Variants in TAB1 observed in about 807,000 individuals in gnomAD.
The protein encoded by TAB1 is TGF-beta-activated kinase 1 and MAP3K7-binding protein 1.
Under a neutral mutation model 54.5 loss-of-function variants are expected in TAB1, and 30 were observed. That is an observed-to-expected ratio of 0.55 (90% CI 0.41 to 0.75). The LOEUF is 0.75. Among genes scored for constraint, TAB1 ranks in the 30% least tolerant of loss-of-function variants. TAB1 has a pLI of 0.00. For missense variants in TAB1, 609 were observed against 683.2 expected (o/e 0.89, Z 1.21); for synonymous variants, 289 against 286.9 (o/e 1.01, Z -0.07).
intron 1 of TAB1, among the ~76,000 whole-genome samples, chr22:39,407,855 C>T (rs1926435224): frequency 6.6e-6 from 1 of 152,072 alleles, no homozygotes; most frequent in Non-Finnish European, 1.5e-5. Context: ...CTCTTGACCT[C>T]GTGATCTGCC....
chr22:39,431,680 C>T lies in TAB1; in HGVS notation c.*1458C>T. Reference sequence around the variant, plus strand: ...GAAAAACAGGTCTCAGCCCAGGGTCCTCGCTCACTCCCTCACTCCCCACTT... The same window carrying T: ...GAAAAACAGGTCTCAGCCCAGGGTCTTCGCTCACTCCCTCACTCCCCACTT... On this transcript the variant is annotated 3_prime_UTR_variant, in exon 11 of 11. Transcript: ENST00000216160. 1 of 985,470 alleles carries T rather than the reference C, an allele frequency of 1.0e-6. No homozygotes were observed. The highest frequency in any genetic ancestry group is 1.2e-6 in the Non-Finnish European group (1 of 829,966). 61.0% of individuals were successfully genotyped at this position (985,470 alleles called of 1,614,324 possible). A position where few individuals can be genotyped will look rare whatever the true frequency, so the allele number is the denominator to read the frequency against.
At chr22:39,405,606 G>C (rs1275134295) in intron 1 of TAB1, among the ~76,000 whole-genome samples, 1 of 152,146 alleles carries the variant, frequency 6.6e-6, no homozygotes, top group African/African-American at 2.4e-5. Flanking sequence ...GTATGCATCA[G>C]TGTGTGCAGG....
intron 1 of TAB1, among the ~76,000 whole-genome samples, chr22:39,410,245 T>G (rs1200299676): frequency 6.6e-6 from 1 of 152,174 alleles, no homozygotes; most frequent in Non-Finnish European, 1.5e-5. Flanking sequence ...GTAGTTGGAA[T>G]TACAGGTGCG....
chr22:39,407,609 G>A (rs1448689663), intron 1 of TAB1, among the ~76,000 whole-genome samples: 3 of 151,784 alleles, frequency 2.0e-5, no homozygotes, highest in Non-Finnish European at 4.4e-5. Flanking sequence ...TCAGCTTCCC[G>A]ATAGTAGATG....
Position 39,428,003 on chromosome 22 carries a change from ACT to A in TAB1, c.1145-13_1145-12del, listed in dbSNP as rs779750620. The A allele has an allele frequency of 1.6e-4, 252 of 1,562,664 alleles. 1 individual carries two copies. Among genetic ancestry groups the A allele is most frequent in the Middle Eastern group, 1.7e-4 (1 of 5,834 alleles). On this transcript the variant is annotated splice_polypyrimidine_tract_variant and intron_variant, in intron 9 of 10. Transcript: ENST00000216160. ...TCCTCAGCTGCTGCCTGAGGCCCCC[ACT>A]CTCTTCCTCCCAAAGCTGCAGGAGG... is the stretch of plus-strand genomic sequence containing the variant.
chr22:39,429,633 A>G (rs537181294), intron 10 of TAB1, among the ~76,000 whole-genome samples: 5 of 152,034 alleles, frequency 3.3e-5, no homozygotes, highest in Non-Finnish European at 7.4e-5. Context: ...ACACGCCACC[A>G]TGCCTGGGTA....
chr22:39,403,880 G>A (rs1180088208), intron 1 of TAB1, among the ~76,000 whole-genome samples: 2 of 151,948 alleles, frequency 1.3e-5, no homozygotes, highest in Non-Finnish European at 2.9e-5. Context: ...TCCTGACCTC[G>A]TGATCTGCCA....
Position 39,430,753 on chromosome 22 carries a change from C to G in TAB1, c.*531C>G. On this transcript the variant is annotated 3_prime_UTR_variant, in exon 11 of 11. Transcript: ENST00000216160. ...TCTGTCCCTGGGCCCCACCCCTGGA[C>G]CTGCCTTGGTTGTGTCATCTGTTGT... 9.9e-7 allele frequency: 1 copy of G among 1,011,966 alleles called. No homozygotes were observed. Among genetic ancestry groups the G allele is most frequent in the Non-Finnish European group, 1.2e-6 (1 of 843,794 alleles). The allele number at this position is 1,011,966 out of a possible 1,614,324, so 62.7% of individuals were successfully genotyped here.
intron 7 of TAB1, 164 bp from the exon 8 acceptor site, chr22:39,421,663 G>A (rs1296900355): frequency 2.7e-6 from 2 of 739,926 alleles, no homozygotes; most frequent in East Asian, 2.9e-5. Flanking sequence ...GCTGTAAGAC[G>A]ATGGGTCTAT....
intron 1 of TAB1, among the ~76,000 whole-genome samples, chr22:39,405,324 G>A (rs1926314326): frequency 1.3e-5 from 2 of 152,198 alleles, no homozygotes; most frequent in Non-Finnish European, 2.9e-5. Flanking sequence ...ATTAATTTTG[G>A]AAACTCCTTC....
Position 39,431,555 on chromosome 22 carries a change from A to C in TAB1, c.*1333A>C, listed in dbSNP as rs765587969. The C allele has an allele frequency of 8.3e-5, 82 of 985,340 alleles. No individual in the cohort carries two copies. Among genetic ancestry groups the C allele is most frequent in the Non-Finnish European group, 8.9e-5 (74 of 829,970 alleles). 61.0% of individuals were successfully genotyped at this position (985,340 alleles called of 1,614,324 possible). ...GGGGTGCTTGGTCTCTGCGAAGTCA[A>C]AGGCCTGACAGCTCTGTGGCCTGGG... is the stretch of plus-strand genomic sequence containing the variant. On this transcript the variant is annotated 3_prime_UTR_variant, in exon 11 of 11. Transcript: ENST00000216160.
downstream of TAB1, among the ~76,000 whole-genome samples, chr22:39,434,355 CTCTTGGGCAGCGGGCG>C (rs2145689757): frequency 6.6e-6 from 1 of 152,382 alleles, no homozygotes; most frequent in African/African-American, 2.4e-5. Context: ...CAGAGCCTAG[CTCTTGGGCAGCGGGCG>C]TGGTTCTGGC....
chr22:39,401,505 A>G (rs1322931893), intron 1 of TAB1, among the ~76,000 whole-genome samples: 4 of 152,258 alleles, frequency 2.6e-5, no homozygotes, highest in Admixed American at 2.6e-4. Flanking sequence ...TTGGGAGGGA[A>G]AATTGTAAAT....
In TAB1 at chr22:39,416,858, T is replaced by G. The variant is rs777486788; in HGVS notation, c.392T>G (p.Leu131Arg). The G allele has an allele frequency of 2.4e-5, 38 of 1,614,190 alleles. No homozygotes were observed. The highest frequency in any genetic ancestry group is 2.8e-5 in the Non-Finnish European group (33 of 1,180,040). ...GACGCCTTGGCTGAGAAGGCAAGCC[T>G]CCAGTCGCAATTGCCAGAGGTAATT... ...IDDALAEKAS[L>R]QSQLPEGVPQ... The change falls in exon 4 of 11, where the codon CTC (leucine) becomes CGC (arginine). Residue 131 changes from leucine (L) to arginine (R), a missense_variant. Leu to Arg is a moderately radical substitution (Grantham distance 102). Transcript: ENST00000216160.
At chr22:39,433,686 T>TC (rs34297357), downstream of TAB1, 595 of 985,310 alleles carry the variant, frequency 6.0e-4, 1 homozygote, top group African/African-American at 9.4e-3. Flanking sequence ...CAGAGCAGGC[T>TC]CCCCACGATG....
rs1462177861 is a variant in TAB1 at position 39,426,847 on chromosome 22, G to A, written c.1066G>A (p.Glu356Lys). The A allele has an allele frequency of 2.7e-5, 44 of 1,613,602 alleles. No homozygotes were observed. In the Middle Eastern group the frequency reaches 4.9e-4, roughly 18 times the overall value. Reference sequence around the variant, plus strand: ...GCGTGCCAGGTTCTGCCCCCGGCACGAGGACATGACCCTGCTAGTGAGGAA... The same window carrying A: ...GCGTGCCAGGTTCTGCCCCCGGCACAAGGACATGACCCTGCTAGTGAGGAA... ...GERARFCPRH[E>K]DMTLLVRNFG... Residue 356 changes from glutamate (E) to lysine (K), a missense_variant, in exon 9 of 11, where the codon GAG becomes AAG. Coordinates refer to ENST00000216160, the MANE Select transcript of TAB1 (RefSeq NM_006116.3).
At chr22:39,419,848 T>C (rs776628636) in intron 7 of TAB1, among the ~76,000 whole-genome samples, 3 of 150,974 alleles carry the variant, frequency 2.0e-5, no homozygotes, top group Non-Finnish European at 4.4e-5. Context: ...CAGTGACACA[T>C]GTGCAGTCAA....
chr22:39,430,990 G>C lies in TAB1; in HGVS notation c.*768G>C. 1.0e-6 allele frequency: 1 copy of C among 986,498 alleles called. No homozygotes were observed. Among genetic ancestry groups the C allele is most frequent in the Non-Finnish European group, 1.2e-6 (1 of 830,736 alleles). The allele number at this position is 986,498 out of a possible 1,614,324, so 61.1% of individuals were successfully genotyped here. A position where few individuals can be genotyped will look rare whatever the true frequency, so the allele number is the denominator to read the frequency against. On this transcript the variant is annotated 3_prime_UTR_variant, in exon 11 of 11. Coordinates refer to ENST00000216160, the MANE Select transcript of TAB1 (RefSeq NM_006116.3). The stretch of plus-strand genomic sequence containing the variant: ...GGCCGCTGTCGTCAGGCCTGAGCCA[G>C]GGTGAGCTGGTGCCTGCCTTGCATT...
downstream of TAB1, among the ~76,000 whole-genome samples, chr22:39,434,157 A>C (rs1399853290): frequency 6.6e-6 from 1 of 152,258 alleles, no homozygotes; most frequent in Non-Finnish European, 1.5e-5. Flanking sequence ...GAACACATCG[A>C]GTGGCCATAG....
Sources: gnomAD v4.1 joint callset for allele counts (sites outside exome capture counted in the v4.1 genomes callset) on GRCh38, gnomAD v4.1.1 for gene constraint, MANE v1.5 for transcripts, NCBI Gene and HGNC (gene_info 2026-07-23, HGNC 2026-07-21) for gene names.